Variants in SP4 observed in about 807,000 individuals in gnomAD.
SP4 encodes the protein Sp4 transcription factor, also known as transcription factor Sp4.
Under a neutral mutation model 72.8 loss-of-function variants are expected in SP4, and 19 were observed. The observed-to-expected ratio is 0.26, with a 90% CI of 0.18 to 0.38. The LOEUF is 0.38. Among genes scored for constraint, SP4 ranks in the 10% least tolerant of loss-of-function variants. SP4 has a pLI of 1.00. For synonymous variants in SP4, 395 were observed against 333.1 expected (o/e 1.19, Z -2.02); for missense variants, 1,008 against 926.3 (o/e 1.09, Z -1.14).
At chr7:21,484,791 G>A (rs1031100036) in intron 5 of SP4, among the ~76,000 whole-genome samples, 7 of 151,792 alleles carry the variant, frequency 4.6e-5, no homozygotes, top group African/African-American at 1.7e-4. Flanking sequence ...TCTAAGAAAT[G>A]ATGAGTTGGT....
intron 2 of SP4, 24 bp from the exon 3 acceptor site, chr7:21,429,265 C>T (rs1215857638): frequency 8.3e-7 from 1 of 1,200,144 alleles, no homozygotes; most frequent in Non-Finnish European, 1.2e-6. Flanking sequence ...CCCCCCCTCT[C>T]CTTTACCGTC....
chr7:21,470,288 C>G lies in SP4; in HGVS notation c.1679-6791C>G, dbSNP rs1269104483. On this transcript the variant is annotated intron_variant, in intron 3 of 5. Coordinates refer to ENST00000222584, the MANE Select transcript of SP4 (RefSeq NM_003112.5). The stretch of plus-strand genomic sequence containing the variant: ...AAGGACAAATGACATAAAAACCACA[C>G]AGATGGCCTCTTTCTTGAGCAGCTT... 2.6e-5 allele frequency among the ~76,000 whole-genome samples: 4 copies of G among 152,358 alleles called. No individual in the cohort carries two copies. In the East Asian group the frequency reaches 7.7e-4, roughly 29 times the overall value.
At chr7:21,482,998 C>A (rs1348556019) in intron 5 of SP4, among the ~76,000 whole-genome samples, 1 of 151,994 alleles carries the variant, frequency 6.6e-6, no homozygotes, top group Admixed American at 6.6e-5. Context: ...ATTATTGGAT[C>A]ATAGAGAATG....
chr7:21,512,495 C>T lies in SP4; in HGVS notation c.*1226C>T, dbSNP rs185019882. 1 of 150,762 alleles carries T rather than the reference C, an allele frequency of 6.6e-6. No homozygotes were observed. The highest frequency in any genetic ancestry group is 1.9e-4 in the East Asian group (1 of 5,132). 9.3% of individuals were successfully genotyped at this position (150,762 alleles called of 1,614,324 possible). A position where few individuals can be genotyped will look rare whatever the true frequency, so the allele number is the denominator to read the frequency against. On this transcript the variant is annotated 3_prime_UTR_variant, in exon 6 of 6. Transcript: ENST00000222584. ...ATTTTTGAAAAGGCAGAATAATTTTCAGTGAAGTAAGTGACTAAAGAAAAA... is the reference window on the plus strand; with the variant it reads ...ATTTTTGAAAAGGCAGAATAATTTTTAGTGAAGTAAGTGACTAAAGAAAAA...
chr7:21,504,263 A>G (rs546397814), intron 5 of SP4, among the ~76,000 whole-genome samples: 22 of 152,238 alleles, frequency 1.4e-4, no homozygotes, highest in African/African-American at 4.6e-4. Context: ...CCAGGTACCA[A>G]TTATTTTCCC....
chr7:21,476,273 C>CAAAAAAAAA (rs753166936), intron 3 of SP4, among the ~76,000 whole-genome samples: 1 of 49,648 alleles, frequency 2.0e-5, no homozygotes, highest in Non-Finnish European at 3.7e-5. Flanking sequence ...GACTCCATCT[C>CAAAAAAAAA]AAAAAAAAAA....
intron 3 of SP4, among the ~76,000 whole-genome samples, chr7:21,457,554 A>G (rs149088560): frequency 1.3e-5 from 2 of 152,224 alleles, no homozygotes; most frequent in Non-Finnish European, 2.9e-5. Flanking sequence ...AGAAATAAGA[A>G]CAATTGCATG....
intron 4 of SP4, among the ~76,000 whole-genome samples, chr7:21,481,337 C>T (rs528228345): frequency 6.6e-6 from 1 of 152,264 alleles, no homozygotes; most frequent in East Asian, 1.9e-4. Flanking sequence ...TGTGTGGAAA[C>T]GGGAGGAAGT....
intron 5 of SP4, among the ~76,000 whole-genome samples, chr7:21,498,612 A>G (rs1423637946): frequency 6.6e-6 from 1 of 152,218 alleles, no homozygotes; most frequent in Non-Finnish European, 1.5e-5. Context: ...CTTGAACAAC[A>G]CAGAGGTGAG....
At chr7:21,506,886 C>T (rs1228986639) in intron 5 of SP4, among the ~76,000 whole-genome samples, 1 of 152,112 alleles carries the variant, frequency 6.6e-6, no homozygotes, top group African/African-American at 2.4e-5. Flanking sequence ...CGAGTGGACT[C>T]CTTGATCCCT....
intron 3 of SP4, among the ~76,000 whole-genome samples, chr7:21,467,879 G>A (rs1410848917): frequency 6.6e-6 from 1 of 152,016 alleles, no homozygotes; most frequent in East Asian, 1.9e-4. Context: ...TTGTTCCCTA[G>A]GTTATATGCA....
At chr7:21,488,223 C>G (rs1784874362) in intron 5 of SP4, among the ~76,000 whole-genome samples, 1 of 152,078 alleles carries the variant, frequency 6.6e-6, no homozygotes, top group African/African-American at 2.4e-5. Context: ...TGGAAGATGC[C>G]TAATTACCAA....
At chr7:21,435,894 A>G (rs1012203992) in intron 3 of SP4, among the ~76,000 whole-genome samples, 3 of 151,856 alleles carry the variant, frequency 2.0e-5, no homozygotes, top group Non-Finnish European at 4.4e-5. Context: ...AGCAAAGGAA[A>G]ATAGAGTTTT....
intron 3 of SP4, chr7:21,471,195 T>C (rs748578467): frequency 2.7e-5 from 14 of 520,932 alleles, no homozygotes; most frequent in Non-Finnish European, 5.1e-5. Context: ...TGAAGAACTT[T>C]ATGTACTATG....
intron 3 of SP4, among the ~76,000 whole-genome samples, chr7:21,471,340 G>A (rs1332666096): frequency 6.6e-6 from 1 of 152,216 alleles, no homozygotes; most frequent in Non-Finnish European, 1.5e-5. Context: ...AATAGGTATG[G>A]TGAAAATGGA....
At chr7:21,475,452 G>A (rs1389154303) in intron 3 of SP4, among the ~76,000 whole-genome samples, 2 of 151,714 alleles carry the variant, frequency 1.3e-5, no homozygotes, top group African/African-American at 4.8e-5. Flanking sequence ...GGACCGGTAT[G>A]TTTGTTTCTG....
chr7:21,469,705 C>G (rs984982557), intron 3 of SP4, among the ~76,000 whole-genome samples: 1 of 151,876 alleles, frequency 6.6e-6, no homozygotes, highest in African/African-American at 2.4e-5. Flanking sequence ...CCACACCCGG[C>G]TAATTTTTTT....
rs367730077 is a variant in SP4, at chr7:21,430,458, G to A, written c.1293G>A (p.Gln431=). 2 of 1,614,074 alleles carry A rather than the reference G, an allele frequency of 1.2e-6. No homozygotes were observed. The highest frequency in any genetic ancestry group is 2.7e-5 in the African/African-American group (2 of 74,924). ...AGTCGTTTCAACTCCAGTCAGGGCA[G>A]ACGATTCAGACCATCCAGCAGCAGC... ...PPQSFQLQSG[Q]TIQTIQQQPL... The change falls in exon 3 of 6, where the codon CAG becomes CAA. Residue 431 remains glutamine (Q), a synonymous_variant. Transcript: ENST00000222584.
rs549857593 is a variant in SP4 at position 21,463,950 on chromosome 7, G to C, written c.1679-13129G>C. The stretch of plus-strand genomic sequence containing the variant: ...ATCAAGTGTTTCTCTAGGTCTGACT[G>C]TCCTCATCTGTAAAATGGCAGAAAT... On this transcript the variant is annotated intron_variant, in intron 3 of 5. Coordinates refer to ENST00000222584, the MANE Select transcript of SP4 (RefSeq NM_003112.5). 3.3e-5 allele frequency among the ~76,000 whole-genome samples: 5 copies of C among 152,174 alleles called. No homozygotes were observed. The East Asian group carries it at 9.7e-4, about 29-fold the overall frequency.
Sources: gnomAD v4.1 joint callset for allele counts (sites outside exome capture counted in the v4.1 genomes callset) on GRCh38, gnomAD v4.1.1 for gene constraint, MANE v1.5 for transcripts, NCBI Gene and HGNC (gene_info 2026-07-23, HGNC 2026-07-21) for gene names.